AMDHD2: variants seen among roughly 807,000 people sequenced by gnomAD.
AMDHD2 encodes the protein amidohydrolase domain containing 2, also known as N-acetylglucosamine-6-phosphate deacetylase.
Under a neutral mutation model 41.8 loss-of-function variants are expected in AMDHD2, and 24 were observed. The observed-to-expected ratio is 0.57, with a 90% CI of 0.42 to 0.81. The LOEUF (loss-of-function observed/expected upper bound fraction) is 0.81, where lower values mean the gene tolerates loss of function less well. Ranked by LOEUF, AMDHD2 falls within the 30% of genes least tolerant of loss-of-function variation. The pLI, the probability that AMDHD2 is intolerant of heterozygous loss-of-function variation, is 0.00. For synonymous variants in AMDHD2, 332 were observed against 255.5 expected, an observed-to-expected ratio of 1.30 and a Z score of -2.85; for missense variants, 540 against 588.5, an observed-to-expected ratio of 0.92 and a Z score of 0.85.
Position 2,527,886 on chromosome 16 carries a change from C to T in AMDHD2, c.529C>T (p.Pro177Ser), listed in dbSNP as rs866630156. 1.9e-6 allele frequency: 3 copies of T among 1,596,470 alleles called. No homozygotes were observed. The highest frequency in any genetic ancestry group is 2.2e-5 in the East Asian group (1 of 44,796). Reference protein sequence around the residue: ...AFQDLLATYGPLDNVRIVTLA... With the variant: ...AFQDLLATYGSLDNVRIVTLA... ...CCAGGACTTGCTGGCCACCTACGGGCCCCTGGACAATGTCCGCATCGTGAC... is the reference window on the plus strand; with the variant it reads ...CCAGGACTTGCTGGCCACCTACGGGTCCCTGGACAATGTCCGCATCGTGAC... Residue 177 changes from proline (P) to serine (S), a missense_variant, in exon 5 of 11, where the codon CCC becomes TCC. Pro to Ser is a moderately conservative substitution (Grantham distance 74). Coordinates refer to ENST00000293971, the MANE Select transcript of AMDHD2 (RefSeq NM_001330449.2). The surrounding 1 kb of genome is among the most constrained non-coding windows in gnomAD (Gnocchi z 6.1).
Position 2,527,603 on chromosome 16 carries a change from G to A in AMDHD2, c.403G>A (p.Ala135Thr). Residue 135 changes from alanine (A) to threonine (T), a missense_variant, in exon 4 of 11, where the codon GCA becomes ACA. By Grantham distance (58) the Ala-to-Thr change is moderately conservative. Transcript: ENST00000293971. This position sits in a 1 kb window ranked among gnomAD's most constrained non-coding sequence, Gnocchi z 6.1. Reference protein sequence around the residue: ...IPVKSGGPHGAGVLGLHLEGP... With the variant: ...IPVKSGGPHGTGVLGLHLEGP... ...TGTGAAGAGTGGTGGTCCCCATGGGGCAGGGGTCCTCGGTGAGTGGCTGAC... is the reference window on the plus strand; with the variant it reads ...TGTGAAGAGTGGTGGTCCCCATGGGACAGGGGTCCTCGGTGAGTGGCTGAC... The A allele has an allele frequency of 6.2e-7, 1 of 1,612,926 alleles. No individual in the cohort carries two copies. Among genetic ancestry groups the A allele is most frequent in the Non-Finnish European group, 8.5e-7 (1 of 1,179,632 alleles).
chr16:2,521,781 GTTTTTTT>G (rs57701626), intron 3 of AMDHD2, among the ~76,000 whole-genome samples: 1 of 111,594 alleles, frequency 9.0e-6, no homozygotes, highest in Non-Finnish European at 1.8e-5. Context: ...TTTTTGTTTA[GTTTTTTT>G]TTTTTTTTTT....
Position 2,521,123 on chromosome 16 carries a change from G to A in AMDHD2, c.360G>A (p.Lys120=). 1.3e-6 allele frequency: 2 copies of A among 1,572,144 alleles called. No individual in the cohort carries two copies. Among genetic ancestry groups the A allele is most frequent in the Non-Finnish European group, 8.7e-7 (1 of 1,152,598 alleles). ...LVTSPPEVYH[K]VVPQIPVKSG... ...CTTCCCCACCGGAGGTTTATCACAA[G>A]GTGAGGTGAGGCTCCCTGGCTGAGG... is the stretch of plus-strand genomic sequence containing the variant. Residue 120 remains lysine, a splice_region_variant and synonymous_variant, in exon 3 of 11, where the codon AAG becomes AAA. Transcript: ENST00000293971.
chr16:2,524,001 C>T (rs2065973301), intron 3 of AMDHD2, among the ~76,000 whole-genome samples: 1 of 152,202 alleles, frequency 6.6e-6, no homozygotes, highest in Admixed American at 6.5e-5. Context: ...ACAAGTAGGA[C>T]TTTGTTTTCT....
At position 2,527,680 on chromosome 16, in the gene AMDHD2, C is replaced by T; in HGVS notation, c.415+65C>T. On this transcript the variant is annotated intron_variant, in intron 4 of 10. Coordinates refer to ENST00000293971, the MANE Select transcript of AMDHD2 (RefSeq NM_001330449.2). This position sits in a 1 kb window ranked among gnomAD's most constrained non-coding sequence, Gnocchi z 6.1. ...CTCCTGCGGGACCTGTTGGCAGCCC[C>T]CACCCCTCCAGATGCCCAGCTGGTG... 6.4e-7 allele frequency: 1 copy of T among 1,570,672 alleles called. No individual in the cohort carries two copies. Among genetic ancestry groups the T allele is most frequent in the Non-Finnish European group, 8.6e-7 (1 of 1,157,456 alleles).
At position 2,528,676 on chromosome 16, in the gene AMDHD2, G is replaced by T; in HGVS notation, c.997G>T (p.Ala333Ser). 2.5e-6 allele frequency: 4 copies of T among 1,612,902 alleles called. No homozygotes were observed. The highest frequency in any genetic ancestry group is 3.4e-6 in the Non-Finnish European group (4 of 1,179,974). ...AGTKTLSGSI[A>S]PMDVCVRHFL... is the part of the protein sequence containing the mutation. ...CACCAAGACGCTGAGTGGCAGCATA[G>T]CCCCAATGGACGTCTGTGTCCGGCA... The change falls in exon 9 of 11, where the codon GCC becomes TCC. Residue 333 changes from alanine (A) to serine (S), a missense_variant. By Grantham distance (99) the Ala-to-Ser change is moderately conservative. Transcript: ENST00000293971.
rs760358783 is a variant in AMDHD2 at position 2,530,727 on chromosome 16, A to G, written c.*1164A>G. On this transcript the variant is annotated 3_prime_UTR_variant, in exon 11 of 11. Transcript: ENST00000293971. ...ACCTGTTGGAAGGGAACAGCCAGGGAAGAACCACCTGCCTGGGCAGGGCCT... is the reference window on the plus strand; with the variant it reads ...ACCTGTTGGAAGGGAACAGCCAGGGGAGAACCACCTGCCTGGGCAGGGCCT... The G allele has an allele frequency of 2.5e-6, 4 of 1,613,974 alleles. No homozygotes were observed. In the East Asian group the frequency reaches 6.7e-5, roughly 27 times the overall value.
intron 3 of AMDHD2, among the ~76,000 whole-genome samples, chr16:2,526,823 G>A (rs764438234): frequency 2.0e-5 from 3 of 152,154 alleles, no homozygotes; most frequent in Non-Finnish European, 4.4e-5. Flanking sequence ...CCAGCTACTC[G>A]GGAGGCTGAG....
intron 10 of AMDHD2, 48 bp downstream of exon 10, chr16:2,529,143 A>T: frequency 1.4e-6 from 2 of 1,472,868 alleles, no homozygotes; most frequent in Non-Finnish European, 1.8e-6. Context: ...CTGCCTGTAG[A>T]CTCTGTTGTT....
rs760159256 is a variant in AMDHD2, at chr16:2,530,365, C to A, written c.*802C>A. ...AGTGTCATCCTGCCATCTTCTGTGT[C>A]CCCTTGGCCCTGGCACACACCCATG... On this transcript the variant is annotated 3_prime_UTR_variant, in exon 11 of 11. Coordinates refer to ENST00000293971, the MANE Select transcript of AMDHD2 (RefSeq NM_001330449.2). The A allele has an allele frequency of 1.2e-6, 2 of 1,614,198 alleles. No individual in the cohort carries two copies. The highest frequency in any genetic ancestry group is 1.7e-6 in the Non-Finnish European group (2 of 1,180,024).
intron 3 of AMDHD2, among the ~76,000 whole-genome samples, chr16:2,521,932 C>T (rs1470947635): frequency 1.3e-5 from 2 of 151,812 alleles, no homozygotes; most frequent in African/African-American, 4.8e-5. Flanking sequence ...CTACAGGTGC[C>T]CGCCACCTCG....
chr16:2,528,875 G>C (rs2066045697), intron 9 of AMDHD2, 119 bp from the exon 10 acceptor site: 1 of 1,483,460 alleles, frequency 6.7e-7, no homozygotes, highest in African/African-American at 1.4e-5. Flanking sequence ...AGGCAGACCA[G>C]CAGGGTCCTT....
In AMDHD2 at chr16:2,530,357, TTC is replaced by T; in HGVS notation, c.*796_*797del. On this transcript the variant is annotated 3_prime_UTR_variant, in exon 11 of 11. Transcript: ENST00000293971. ...ACCCCATTAGTGTCATCCTGCCATC[TTC>T]TGTGTCCCCTTGGCCCTGGCACACA... 2 of 1,614,178 alleles carry T rather than the reference TTC, an allele frequency of 1.2e-6. No homozygotes were observed. Among genetic ancestry groups the T allele is most frequent in the Non-Finnish European group, 8.5e-7 (1 of 1,180,018 alleles).
intron 3 of AMDHD2, among the ~76,000 whole-genome samples, chr16:2,525,925 C>T (rs1255396303): frequency 1.3e-5 from 2 of 151,914 alleles, no homozygotes; most frequent in Admixed American, 6.6e-5. Context: ...GTGATCTGCT[C>T]GCCTTGGCCT....
Position 2,530,086 on chromosome 16 carries a change from CCT to C in AMDHD2, c.*524_*525del. 9.6e-7 allele frequency: 1 copy of C among 1,041,378 alleles called. No individual in the cohort carries two copies. The highest frequency in any genetic ancestry group is 1.3e-6 in the Non-Finnish European group (1 of 741,530). 64.5% of individuals were successfully genotyped at this position (1,041,378 alleles called of 1,614,324 possible). ...GGGGTGTGCAGCGTGGAGCCCACAGCCTGGTTCTGGGCCAGGGCACAGTGCCA... is the reference window on the plus strand; with the variant it reads ...GGGGTGTGCAGCGTGGAGCCCACAGCGGTTCTGGGCCAGGGCACAGTGCCA... On this transcript the variant is annotated 3_prime_UTR_variant, in exon 11 of 11. Coordinates refer to ENST00000293971, the MANE Select transcript of AMDHD2 (RefSeq NM_001330449.2).
chr16:2,523,440 A>T, intron 3 of AMDHD2, among the ~76,000 whole-genome samples: 1 of 152,094 alleles, frequency 6.6e-6, no homozygotes, highest in East Asian at 1.9e-4. Context: ...TCCTGATGTC[A>T]TGTATCGGCT....
rs764415933 is a variant in AMDHD2, at chr16:2,530,237, A to C, written c.*674A>C. 1.4e-5 allele frequency: 22 copies of C among 1,592,622 alleles called. No homozygotes were observed. The highest frequency in any genetic ancestry group is 3.4e-5 in the South Asian group (3 of 89,014). ...TCTGTTTTCTCTTCTCAATAACCCT[A>C]TCTCTTCACACATCCCCAGGCCCAG... On this transcript the variant is annotated 3_prime_UTR_variant, in exon 11 of 11. Coordinates refer to ENST00000293971, the MANE Select transcript of AMDHD2 (RefSeq NM_001330449.2).
chr16:2,526,068 G>C (rs2066000014), intron 3 of AMDHD2, among the ~76,000 whole-genome samples: 1 of 152,146 alleles, frequency 6.6e-6, no homozygotes, highest in African/African-American at 2.4e-5. Context: ...CCTTTTCCCT[G>C]TCCATCTCTC....
intron 3 of AMDHD2, among the ~76,000 whole-genome samples, chr16:2,523,604 CTT>C (rs2065968811): frequency 6.6e-6 from 1 of 152,138 alleles, no homozygotes; most frequent in African/African-American, 2.4e-5. Flanking sequence ...CCATGGATGT[CTT>C]TTTGGAAATT....
Sources: gnomAD v4.1 joint callset for allele counts (sites outside exome capture counted in the v4.1 genomes callset) on GRCh38, gnomAD v4.1.1 for gene constraint, Gnocchi (gnomAD v3.1) non-coding constraint, MANE v1.5 for transcripts, NCBI Gene and HGNC (gene_info 2026-07-23, HGNC 2026-07-21) for gene names.